The following APBB2 variants were observed in gnomAD, a reference collection of about 807,000 sequenced individuals.
The protein encoded by APBB2 is amyloid beta precursor protein binding family B member 2, also known as Fe65-like 1.
A neutral mutation model predicts 82.5 loss-of-function variants in APBB2; 38 were observed. The observed-to-expected ratio is 0.46, with a 90% CI of 0.36 to 0.60. The LOEUF (loss-of-function observed/expected upper bound fraction) is 0.60. Among genes scored for constraint, APBB2 ranks in the 20% least tolerant of loss-of-function variants. The probability of loss-of-function intolerance (pLI) is 0.00; values close to 1 mark genes in which losing one functional copy is unlikely to be tolerated. For missense variants in APBB2, 772 were observed against 972.3 expected (o/e 0.79, Z 2.74); for synonymous variants, 341 against 368.2 (o/e 0.93, Z 0.85).
intron 10 of APBB2, among the ~76,000 whole-genome samples, chr4:40,916,198 G>A (rs1447142049): frequency 1.3e-5 from 2 of 152,192 alleles, no homozygotes; most frequent in Admixed American, 1.3e-4. Context: ...TGTGCACAGA[G>A]CTGAGACATG....
At chr4:40,931,443 T>A (rs542658541) in intron 10 of APBB2, among the ~76,000 whole-genome samples, 1 of 152,276 alleles carries the variant, frequency 6.6e-6, no homozygotes, top group East Asian at 1.9e-4. Context: ...GCTATTTTTT[T>A]ATTTTTTTGT....
At chr4:41,163,163 C>A (rs1765618145) in intron 1 of APBB2, among the ~76,000 whole-genome samples, 1 of 152,168 alleles carries the variant, frequency 6.6e-6, no homozygotes, top group South Asian at 2.1e-4. Flanking sequence ...TGGGTAATGC[C>A]ACAAGGCAGG....
At chr4:41,089,270 G>T (rs1420683738) in intron 3 of APBB2, among the ~76,000 whole-genome samples, 1 of 152,132 alleles carries the variant, frequency 6.6e-6, no homozygotes, top group African/African-American at 2.4e-5. Flanking sequence ...TTGAACTTCA[G>T]ATTTTTGGGA....
chr4:40,830,451 G>A lies in APBB2; in HGVS notation c.1644+12C>T. On this transcript the variant is annotated intron_variant, in intron 13 of 17. Transcript: ENST00000508593. ...AGAGAGAGGCGGCCCATACTGCCCT[G>A]ACCCACCTTACCTTGGAGCAGATCT... The A allele has an allele frequency of 1.2e-6, 2 of 1,601,542 alleles. No homozygotes were observed. Among genetic ancestry groups the A allele is most frequent in the Non-Finnish European group, 1.7e-6 (2 of 1,168,544 alleles).
At chr4:41,034,417 C>T (rs572088436) in intron 4 of APBB2, among the ~76,000 whole-genome samples, 101 of 152,272 alleles carry the variant, frequency 6.6e-4, no homozygotes, top group Admixed American at 3.3e-3. Flanking sequence ...CTCCACCTCC[C>T]GGGTTGAAGC....
At chr4:40,894,815 C>G (rs1027090951) in intron 10 of APBB2, among the ~76,000 whole-genome samples, 1 of 152,124 alleles carries the variant, frequency 6.6e-6, no homozygotes, top group Non-Finnish European at 1.5e-5. Flanking sequence ...CTTCCCAGTG[C>G]AGGTAAGGGT....
intron 6 of APBB2, among the ~76,000 whole-genome samples, chr4:40,980,824 C>A (rs1005842818): frequency 2.0e-5 from 3 of 152,174 alleles, no homozygotes; most frequent in African/African-American, 7.2e-5. Context: ...GGCTTTTTCT[C>A]AAATCTATTC....
chr4:40,820,994 G>A lies in APBB2; in HGVS notation c.2112+877C>T, dbSNP rs373596381. Among the ~76,000 whole-genome samples, 250 of 152,004 alleles carry A rather than the reference G, an allele frequency of 1.6e-3. 1 individual carries two copies. The highest frequency in any genetic ancestry group is 5.6e-3 in the African/African-American group (233 of 41,476). ...AGTGATTCTCCTGCCTCAGCCTCCC[G>A]AGTAGCTGGGATTACAGGGATGCGC... On this transcript the variant is annotated intron_variant, in intron 17 of 17. Transcript: ENST00000508593.
intron 3 of APBB2, among the ~76,000 whole-genome samples, chr4:41,088,047 A>G (rs540043049): frequency 3.1e-4 from 47 of 152,326 alleles, no homozygotes; most frequent in African/African-American, 1.1e-3. Flanking sequence ...AGGTACTTTT[A>G]GGAGTTATTA....
chr4:41,198,558 T>C, intron 1 of APBB2, among the ~76,000 whole-genome samples: 1 of 152,208 alleles, frequency 6.6e-6, no homozygotes, highest in Non-Finnish European at 1.5e-5. Flanking sequence ...CACCATGAGG[T>C]TCAGTAACTT....
chr4:40,911,406 T>C (rs189223236), intron 10 of APBB2, among the ~76,000 whole-genome samples: 2 of 152,332 alleles, frequency 1.3e-5, no homozygotes, highest in East Asian at 1.9e-4. Flanking sequence ...CTGGTAAGCA[T>C]ACAATGTGTC....
At chr4:41,046,257 T>C (rs561316063) in intron 4 of APBB2, among the ~76,000 whole-genome samples, 2 of 152,350 alleles carry the variant, frequency 1.3e-5, no homozygotes, top group East Asian at 1.9e-4. Flanking sequence ...TTTTACTCTA[T>C]AGCTCAGAAA....
chr4:40,976,657 C>G (rs1330160973), intron 6 of APBB2, among the ~76,000 whole-genome samples: 1 of 152,164 alleles, frequency 6.6e-6, no homozygotes, highest in African/African-American at 2.4e-5. Flanking sequence ...ATGTGAGGGT[C>G]ATCAATCTGT....
At chr4:40,872,305 T>C (rs1765733482) in intron 12 of APBB2, among the ~76,000 whole-genome samples, 1 of 152,190 alleles carries the variant, frequency 6.6e-6, no homozygotes, top group East Asian at 1.9e-4. Context: ...AGATTTTTGG[T>C]TGTTATTACA....
chr4:41,014,453 A>T (rs1367279831), intron 5 of APBB2, 55 bp from the exon 6 acceptor site: 3 of 1,467,754 alleles, frequency 2.0e-6, no homozygotes, highest in Middle Eastern at 1.7e-4. Context: ...CTTAGTATAC[A>T]GTGTGAGTAA....
chr4:40,932,158 C>T (rs887541051), intron 10 of APBB2, among the ~76,000 whole-genome samples: 6 of 152,302 alleles, frequency 3.9e-5, no homozygotes, highest in East Asian at 3.9e-4. Flanking sequence ...AATTTCACAC[C>T]CTGGCTCCAC....
intron 12 of APBB2, among the ~76,000 whole-genome samples, chr4:40,864,774 G>A (rs1763641464): frequency 6.6e-6 from 1 of 151,778 alleles, no homozygotes; most frequent in African/African-American, 2.4e-5. Flanking sequence ...CCTAACTGCT[G>A]CAGGGTGTAG....
chr4:40,916,992 C>T (rs1780011731), intron 10 of APBB2, among the ~76,000 whole-genome samples: 1 of 152,326 alleles, frequency 6.6e-6, no homozygotes, highest in South Asian at 2.1e-4. Context: ...CTCTGCTGCA[C>T]CGCAGACTTC....
At chr4:41,160,841 A>G (rs1764961052) in intron 1 of APBB2, among the ~76,000 whole-genome samples, 1 of 152,226 alleles carries the variant, frequency 6.6e-6, no homozygotes. Flanking sequence ...AATGAAAATT[A>G]TATCTACCAC....
Sources: gnomAD v4.1 joint callset for allele counts (sites outside exome capture counted in the v4.1 genomes callset) on GRCh38, gnomAD v4.1.1 for gene constraint, MANE v1.5 for transcripts, NCBI Gene and HGNC (gene_info 2026-07-23, HGNC 2026-07-21) for gene names.